ESF1: variants seen among roughly 807,000 people sequenced by gnomAD.
ESF1 encodes ESF1 homolog.
ESF1 carries 58 observed loss-of-function variants against 92.0 expected under a neutral mutation model. The ratio of observed to expected loss-of-function variants is 0.63; its 90% confidence interval spans 0.51 to 0.78. The LOEUF (loss-of-function observed/expected upper bound fraction) is 0.78. Among genes scored for constraint, ESF1 ranks in the 30% least tolerant of loss-of-function variants. The probability of loss-of-function intolerance (pLI) is 0.00; values close to 1 mark genes in which losing one functional copy is unlikely to be tolerated. For synonymous variants in ESF1, 321 were observed against 313.7 expected, an observed-to-expected ratio of 1.02 and a Z score of -0.24; for missense variants, 922 against 989.1, an observed-to-expected ratio of 0.93 and a Z score of 0.91.
chr20:13,766,769 A>C lies in ESF1; in HGVS notation c.1666+8T>G. ...GTCCATTAATGGTCACTGAAAGATTAACAATACCTTGTAGCTCCTCTTCTA... is the reference window on the plus strand; with the variant it reads ...GTCCATTAATGGTCACTGAAAGATTCACAATACCTTGTAGCTCCTCTTCTA... On this transcript the variant is annotated splice_region_variant and intron_variant, in intron 8 of 13. Transcript: ENST00000617257. The C allele has an allele frequency of 6.2e-7, 1 of 1,612,370 alleles. No individual in the cohort carries two copies. Among genetic ancestry groups the C allele is most frequent in the Non-Finnish European group, 8.5e-7 (1 of 1,179,504 alleles).
chr20:13,781,321 T>C (rs1049549174), intron 2 of ESF1, among the ~76,000 whole-genome samples: 4 of 152,208 alleles, frequency 2.6e-5, no homozygotes, highest in Non-Finnish European at 5.9e-5. Flanking sequence ...AAATATACAT[T>C]GACTTTTATA....
chr20:13,747,875 T>C (rs1978351101), intron 9 of ESF1, among the ~76,000 whole-genome samples: 1 of 152,218 alleles, frequency 6.6e-6, no homozygotes, highest in Non-Finnish European at 1.5e-5. Context: ...TTATAGCTTA[T>C]TACACACCTA....
Position 13,769,892 on chromosome 20 carries a change from A to T in ESF1, c.1518+15T>A. On this transcript the variant is annotated intron_variant, in intron 7 of 13. Coordinates refer to ENST00000617257, the MANE Select transcript of ESF1 (RefSeq NM_001276380.2). ...AATAGAGTCCAGCTACATATTTTTT[A>T]AAGTAAAGAAATACCGTTGATGTTC... The T allele has an allele frequency of 1.3e-5, 20 of 1,519,014 alleles. No homozygotes were observed. Among genetic ancestry groups the T allele is most frequent in the Non-Finnish European group, 1.8e-5 (20 of 1,096,140 alleles). 94.1% of individuals were successfully genotyped at this position (1,519,014 alleles called of 1,614,324 possible).
intron 9 of ESF1, among the ~76,000 whole-genome samples, chr20:13,750,525 CA>C (rs1469884749): frequency 1.3e-5 from 2 of 151,896 alleles, no homozygotes; most frequent in Non-Finnish European, 2.9e-5. Context: ...AAGAAACAAA[CA>C]AAAAAGTAAA....
chr20:13,773,355 G>A (rs529083997), intron 4 of ESF1, among the ~76,000 whole-genome samples: 2 of 152,276 alleles, frequency 1.3e-5, no homozygotes, highest in Admixed American at 1.3e-4. Context: ...GGTTTAATAT[G>A]TAAGTTTATA....
At chr20:13,760,273 C>T (rs1242367040) in intron 8 of ESF1, among the ~76,000 whole-genome samples, 1 of 147,558 alleles carries the variant, frequency 6.8e-6, no homozygotes, top group Non-Finnish European at 1.5e-5. Context: ...AAGTGAGGAG[C>T]GTCTCTGCCC....
intron 9 of ESF1, among the ~76,000 whole-genome samples, chr20:13,745,817 A>G (rs1281208487): frequency 1.3e-5 from 2 of 152,196 alleles, no homozygotes; most frequent in African/African-American, 4.8e-5. Flanking sequence ...ATAAAGTTCA[A>G]AATTAACAAA....
At chr20:13,771,985 C>A (rs1167589993) in intron 5 of ESF1, among the ~76,000 whole-genome samples, 1 of 147,068 alleles carries the variant, frequency 6.8e-6, no homozygotes, top group African/African-American at 2.5e-5. Context: ...TCTTCATCTG[C>A]TCTCTCCTGT....
At chr20:13,758,630 C>A (rs1347437063) in intron 9 of ESF1, among the ~76,000 whole-genome samples, 1 of 152,140 alleles carries the variant, frequency 6.6e-6, no homozygotes, top group Non-Finnish European at 1.5e-5. Context: ...AACAGAACAC[C>A]TTTAAGTTTT....
chr20:13,725,703 CCTCTT>C (rs760038596), intron 11 of ESF1, among the ~76,000 whole-genome samples: 1 of 152,190 alleles, frequency 6.6e-6, no homozygotes. Context: ...CATCCTGCAT[CCTCTT>C]CTCTTATCAC....
At chr20:13,736,120 C>A (rs2049974016) in intron 9 of ESF1, among the ~76,000 whole-genome samples, 1 of 152,140 alleles carries the variant, frequency 6.6e-6, no homozygotes, top group African/African-American at 2.4e-5. Context: ...ACAGCATTGA[C>A]ATTTGTAGGT....
At chr20:13,723,591 T>G (rs991657219) in intron 11 of ESF1, among the ~76,000 whole-genome samples, 2 of 151,546 alleles carry the variant, frequency 1.3e-5, no homozygotes, top group African/African-American at 4.8e-5. Flanking sequence ...AAGAAAAAAT[T>G]ATAAAAGATC....
At chr20:13,748,592 A>ATATATATTTTTT (rs1331098586) in intron 9 of ESF1, among the ~76,000 whole-genome samples, 6 of 95,740 alleles carry the variant, frequency 6.3e-5, no homozygotes, top group Non-Finnish European at 7.4e-5. Flanking sequence ...ATATATATAT[A>ATATATATTTTTT]TTTTTTTTTT....
At chr20:13,733,083 A>G in intron 10 of ESF1, among the ~76,000 whole-genome samples, 4 of 149,922 alleles carry the variant, frequency 2.7e-5, no homozygotes, top group African/African-American at 1.0e-4. Context: ...GCGCCACCAC[A>G]TCCACCTAAT....
chr20:13,738,317 CT>C (rs33948226), intron 9 of ESF1, among the ~76,000 whole-genome samples: 26 of 144,496 alleles, frequency 1.8e-4, no homozygotes, highest in African/African-American at 2.3e-4. Flanking sequence ...CTCTCCTAAA[CT>C]TTTTTTTTTT....
intron 9 of ESF1, among the ~76,000 whole-genome samples, chr20:13,756,070 A>C (rs974498563): frequency 2.0e-5 from 3 of 152,214 alleles, no homozygotes; most frequent in Admixed American, 2.0e-4. Context: ...TGTTACAGAA[A>C]ACACACATTT....
At chr20:13,739,186 G>A (rs1376929959) in intron 9 of ESF1, among the ~76,000 whole-genome samples, 4 of 151,032 alleles carry the variant, frequency 2.6e-5, no homozygotes, top group African/African-American at 4.9e-5. Flanking sequence ...CAATGAACAC[G>A]TTTTTTTTTG....
At chr20:13,715,217 C>G in intron 13 of ESF1, 50 bp from the exon 14 acceptor site, 1 of 1,424,332 alleles carries the variant, frequency 7.0e-7, no homozygotes, top group Non-Finnish European at 9.2e-7. Context: ...AACAAAATTA[C>G]TAAAGCAAAA....
At chr20:13,781,521 G>T (rs953436662) in intron 2 of ESF1, among the ~76,000 whole-genome samples, 5 of 152,098 alleles carry the variant, frequency 3.3e-5, no homozygotes, top group African/African-American at 1.2e-4. Context: ...TCCGCACAGG[G>T]GCATTTATAA....
Sources: gnomAD v4.1 joint callset for allele counts (sites outside exome capture counted in the v4.1 genomes callset) on GRCh38, gnomAD v4.1.1 for gene constraint, MANE v1.5 for transcripts, NCBI Gene and HGNC (gene_info 2026-07-23, HGNC 2026-07-21) for gene names.